Variants in ABCA13 observed in about 807,000 individuals in gnomAD.
ABCA13 encodes the protein ATP binding cassette subfamily A member 13.
ABCA13 carries 476 observed loss-of-function variants against 478.7 expected under a neutral mutation model. The observed-to-expected ratio is 0.99, with a 90% CI of 0.92 to 1.07. The LOEUF is 1.07. Ranked by LOEUF, ABCA13 falls within the 50% of genes least tolerant of loss-of-function variation. The pLI, the probability that ABCA13 is intolerant of heterozygous loss-of-function variation, is 0.00. For missense variants in ABCA13, 6,060 were observed against 5,910.6 expected (o/e 1.03, Z -0.83); for synonymous variants, 2,252 against 2,158.9 (o/e 1.04, Z -1.20).
At chr7:48,176,821 A>C (rs1384034388) in intron 1 of ABCA13, among the ~76,000 whole-genome samples, 1 of 152,204 alleles carries the variant, frequency 6.6e-6, no homozygotes, top group Non-Finnish European at 1.5e-5. Flanking sequence ...TAAGATGTAA[A>C]GAAACATATT....
chr7:48,615,226 G>T, intron 58 of ABCA13, 59 bp from the exon 59 acceptor site: 3 of 1,148,902 alleles, frequency 2.6e-6, no homozygotes, highest in South Asian at 5.3e-5. Flanking sequence ...TGAAAAGTTT[G>T]ACTCAACCCT....
intron 57 of ABCA13, among the ~76,000 whole-genome samples, chr7:48,594,275 T>A (rs573715795): frequency 3.9e-5 from 6 of 152,288 alleles, no homozygotes; most frequent in African/African-American, 1.4e-4. Flanking sequence ...TTTTTTAAAA[T>A]TTTCCTTGAC....
At chr7:48,354,576 T>C (rs558954063) in intron 31 of ABCA13, among the ~76,000 whole-genome samples, 4 of 152,222 alleles carry the variant, frequency 2.6e-5, no homozygotes, top group Admixed American at 2.6e-4. Flanking sequence ...AACGTTGGAA[T>C]GAGTGGAATA....
intron 59 of ABCA13, among the ~76,000 whole-genome samples, chr7:48,624,581 C>T (rs1183151603): frequency 2.7e-5 from 4 of 148,892 alleles, no homozygotes; most frequent in Admixed American, 2.0e-4. Flanking sequence ...CAGAGTTTTG[C>T]TCTTGTTGCC....
chr7:48,586,375 T>A (rs573922973), intron 56 of ABCA13, among the ~76,000 whole-genome samples: 2 of 152,326 alleles, frequency 1.3e-5, no homozygotes, highest in South Asian at 2.1e-4. Context: ...TTCCTTGTGT[T>A]AATATTGAAA....
intron 38 of ABCA13, among the ~76,000 whole-genome samples, chr7:48,402,615 T>C (rs116933539): frequency 0.029 from 4,414 of 152,314 alleles, 86 homozygotes; most frequent in Non-Finnish European, 0.043. Context: ...CTTGAACTCT[T>C]TCTAGTTCAG....
Position 48,246,145 on chromosome 7 carries a change from A to G in ABCA13, c.1659+115A>G, listed in dbSNP as rs1414915676. ...GAGGAAAGTTTTGCCGTAAGCCCAC[A>G]CACTTAAAGGAAGCTGGCTCTCTGA... is the stretch of plus-strand genomic sequence containing the variant. On this transcript the variant is annotated intron_variant, in intron 13 of 61. Coordinates refer to ENST00000435803, the MANE Select transcript of ABCA13 (RefSeq NM_152701.5). 9 of 1,157,856 alleles carry G rather than the reference A, an allele frequency of 7.8e-6. No homozygotes were observed. In the African/African-American group the frequency reaches 1.2e-4, roughly 16 times the overall value. The allele number at this position is 1,157,856 out of a possible 1,614,324, so 71.7% of individuals were successfully genotyped here. A position where few individuals can be genotyped will look rare whatever the true frequency, so the allele number is the denominator to read the frequency against.
At chr7:48,379,724 A>G (rs1814057049) in intron 35 of ABCA13, among the ~76,000 whole-genome samples, 1 of 152,228 alleles carries the variant, frequency 6.6e-6, no homozygotes, top group Non-Finnish European at 1.5e-5. Flanking sequence ...TTGGTATGTG[A>G]TTATAAAGAT....
chr7:48,486,279 C>T (rs1585546238), intron 47 of ABCA13, among the ~76,000 whole-genome samples: 1 of 152,144 alleles, frequency 6.6e-6, no homozygotes, highest in Non-Finnish European at 1.5e-5. Context: ...AAAGTTCTTA[C>T]AATTGCACCC....
intron 3 of ABCA13, among the ~76,000 whole-genome samples, chr7:48,202,907 C>A (rs1263422521): frequency 2.0e-5 from 3 of 151,884 alleles, no homozygotes; most frequent in Middle Eastern, 3.4e-3. Context: ...CGGTGCCGTG[C>A]GCCCGCGCTC....
At chr7:48,635,700 G>A (rs1479727843) in intron 59 of ABCA13, among the ~76,000 whole-genome samples, 1 of 152,168 alleles carries the variant, frequency 6.6e-6, no homozygotes, top group Non-Finnish European at 1.5e-5. Flanking sequence ...AGCTAAGGTG[G>A]GAGAGAGCCC....
At chr7:48,536,615 C>A (rs1585734467) in intron 55 of ABCA13, among the ~76,000 whole-genome samples, 1 of 151,242 alleles carries the variant, frequency 6.6e-6, no homozygotes, top group South Asian at 2.1e-4. Flanking sequence ...ACCACTGCAC[C>A]CCAGCCTGGG....
intron 27 of ABCA13, among the ~76,000 whole-genome samples, chr7:48,317,739 T>C (rs937931137): frequency 1.3e-5 from 2 of 152,218 alleles, no homozygotes; most frequent in Non-Finnish European, 2.9e-5. Context: ...GTGATGTTTC[T>C]GAATTCACTG....
At chr7:48,415,778 A>T (rs1443195708) in intron 41 of ABCA13, among the ~76,000 whole-genome samples, 2 of 152,220 alleles carry the variant, frequency 1.3e-5, no homozygotes, top group Non-Finnish European at 2.9e-5. Flanking sequence ...TCACGGGTGG[A>T]TGCTTAGCTC....
At chr7:48,376,311 T>C (rs538437297) in intron 34 of ABCA13, 130 bp from the exon 35 acceptor site, 3 of 1,080,640 alleles carry the variant, frequency 2.8e-6, no homozygotes, top group Admixed American at 2.6e-5. Context: ...TGGCCAGTGA[T>C]ATTGACCTTC....
chr7:48,362,696 A>G (rs1811072634), intron 31 of ABCA13, among the ~76,000 whole-genome samples: 1 of 151,688 alleles, frequency 6.6e-6, no homozygotes. Flanking sequence ...TATAATTATA[A>G]CATTATATAA....
At chr7:48,570,618 C>G (rs926305038) in intron 55 of ABCA13, among the ~76,000 whole-genome samples, 1 of 152,008 alleles carries the variant, frequency 6.6e-6, no homozygotes, top group African/African-American at 2.4e-5. Flanking sequence ...CCACCGCACC[C>G]AGCTGCATCC....
intron 42 of ABCA13, among the ~76,000 whole-genome samples, chr7:48,429,590 C>T (rs1464038501): frequency 6.6e-6 from 1 of 152,082 alleles, no homozygotes; most frequent in African/African-American, 2.4e-5. Flanking sequence ...TTGGAGAAGT[C>T]ATATTCAGAT....
At chr7:48,227,698 A>G (rs1788437890) in intron 6 of ABCA13, among the ~76,000 whole-genome samples, 1 of 152,256 alleles carries the variant, frequency 6.6e-6, no homozygotes, top group African/African-American at 2.4e-5. Context: ...GTTATAGTTT[A>G]TAAATGGCCA....
Sources: allele counts gnomAD v4.1 joint callset (sites outside exome capture counted in the v4.1 genomes callset), GRCh38; gene constraint gnomAD v4.1.1; transcripts MANE v1.5; gene names NCBI Gene and HGNC (gene_info 2026-07-23, HGNC 2026-07-21).